MCF2L2: variants seen among roughly 807,000 people sequenced by gnomAD.
MCF2L2 encodes the protein probable guanine nucleotide exchange factor MCF2L2.
A neutral mutation model predicts 150.2 loss-of-function variants in MCF2L2; 102 were observed. The ratio of observed to expected loss-of-function variants is 0.68; its 90% CI spans 0.58 to 0.80. MCF2L2 has a LOEUF of 0.80. MCF2L2 is among the 30% of genes least tolerant of loss of function. The probability of loss-of-function intolerance (pLI) is 0.00; values close to 1 mark genes in which losing one functional copy is unlikely to be tolerated. For synonymous variants in MCF2L2, 465 were observed against 491.3 expected, an observed-to-expected ratio of 0.95 and a Z score of 0.71; for missense variants, 1,256 against 1,372.8, an observed-to-expected ratio of 0.91 and a Z score of 1.34.
At chr3:183,384,742 T>G (rs2108593258) in intron 2 of MCF2L2, among the ~76,000 whole-genome samples, 1 of 152,342 alleles carries the variant, frequency 6.6e-6, no homozygotes, top group East Asian at 1.9e-4. Flanking sequence ...CATGAATTAC[T>G]CTTTCTCTAT....
intron 3 of MCF2L2, among the ~76,000 whole-genome samples, chr3:183,344,749 A>C (rs1259259355): frequency 6.6e-6 from 1 of 152,232 alleles, no homozygotes; most frequent in African/African-American, 2.4e-5. Context: ...ACACAAATGG[A>C]AAGAAAAAAA....
intron 15 of MCF2L2, among the ~76,000 whole-genome samples, chr3:183,240,535 T>C (rs1406988060): frequency 6.6e-6 from 1 of 152,134 alleles, no homozygotes; most frequent in East Asian, 1.9e-4. Context: ...GCTCCATTTT[T>C]ATCCTGTCTT....
chr3:183,294,296 G>A (rs55725509), intron 13 of MCF2L2, among the ~76,000 whole-genome samples: 13,560 of 152,154 alleles, frequency 0.089, 798 homozygotes, highest in Non-Finnish European at 0.13. Context: ...TAAAGGTCCT[G>A]AATGGGGTCT....
intron 5 of MCF2L2, among the ~76,000 whole-genome samples, chr3:183,338,586 G>A (rs1730581841): frequency 6.6e-6 from 1 of 151,958 alleles, no homozygotes; most frequent in East Asian, 1.9e-4. Flanking sequence ...AAAGATTACT[G>A]TTTACGTGCT....
chr3:183,179,328 C>A lies in MCF2L2; in HGVS notation c.*52G>T. The A allele has an allele frequency of 7.2e-7, 1 of 1,389,502 alleles. No homozygotes were observed. The highest frequency in any genetic ancestry group is 1.6e-5 in the South Asian group (1 of 61,826). The allele number at this position is 1,389,502 out of a possible 1,614,324, so 86.1% of individuals were successfully genotyped here. ...GGGCCCGGGCCCCCACACCGCCTCTCCCGGGAATGCGGGCGCTCTGGAGCC... is the reference window on the plus strand; with the variant it reads ...GGGCCCGGGCCCCCACACCGCCTCTACCGGGAATGCGGGCGCTCTGGAGCC... On this transcript the variant is annotated 3_prime_UTR_variant, in exon 30 of 30. Transcript: ENST00000328913. This position sits in a 1 kb window ranked among gnomAD's most constrained non-coding sequence, Gnocchi z 4.2.
intron 1 of MCF2L2, among the ~76,000 whole-genome samples, chr3:183,396,402 A>G (rs1389673381): frequency 6.6e-6 from 1 of 152,188 alleles, no homozygotes; most frequent in African/African-American, 2.4e-5. Context: ...TTCTTTGGTA[A>G]TGACATAGCC....
chr3:183,412,893 A>C (rs953510361), intron 1 of MCF2L2, among the ~76,000 whole-genome samples: 2 of 151,958 alleles, frequency 1.3e-5, no homozygotes, highest in Admixed American at 1.3e-4. Context: ...GGTTGAGGAA[A>C]CTTCCTTCTA....
intron 3 of MCF2L2, among the ~76,000 whole-genome samples, chr3:183,361,102 C>G (rs199546966): frequency 5.1e-5 from 5 of 97,422 alleles, no homozygotes; most frequent in East Asian, 3.6e-4. Flanking sequence ...CAAGACAAGA[C>G]AAGAAAAGAA....
rs560533356 is a variant in MCF2L2 at position 183,197,903 on chromosome 3, A to T, written c.2885-2648T>A. ...GACATACCACTATGCCCCTATTAGA[A>T]ATCTGAAAATTTAAAAGACTGACAA... On this transcript the variant is annotated intron_variant, in intron 25 of 29. Transcript: ENST00000328913. The surrounding 1 kb of genome is among the most constrained non-coding windows in gnomAD (Gnocchi z 4.5). 6.6e-6 allele frequency among the ~76,000 whole-genome samples: 1 copy of T among 152,218 alleles called. No homozygotes were observed. The highest frequency in any genetic ancestry group is 1.5e-5 in the Non-Finnish European group (1 of 68,036).
intron 27 of MCF2L2, among the ~76,000 whole-genome samples, chr3:183,183,772 G>A (rs1478631549): frequency 6.6e-6 from 1 of 151,910 alleles, no homozygotes; most frequent in African/African-American, 2.4e-5. Context: ...CTAAAGAGAG[G>A]GTCTCAAAAC....
intron 23 of MCF2L2, 121 bp downstream of exon 23, chr3:183,207,487 T>C: frequency 1.4e-6 from 1 of 722,896 alleles, no homozygotes; most frequent in Non-Finnish European, 2.3e-6. Flanking sequence ...CCCTGTGGTG[T>C]GGTATTTGGC....
At chr3:183,292,590 TGCACACACACAC>T (rs1344110920) in intron 13 of MCF2L2, among the ~76,000 whole-genome samples, 1 of 140,426 alleles carries the variant, frequency 7.1e-6, no homozygotes, top group African/African-American at 2.9e-5. Flanking sequence ...CACACACACA[TGCACACACACAC>T]GTATGTATTT....
rs369558739 is a variant in MCF2L2, at chr3:183,414,675, C to G, written c.76+13227G>C. Among the ~76,000 whole-genome samples, 7 of 152,264 alleles carry G rather than the reference C, an allele frequency of 4.6e-5. No homozygotes were observed. The East Asian group carries it at 9.6e-4, about 21-fold the overall frequency. On this transcript the variant is annotated intron_variant, in intron 1 of 29. Coordinates refer to ENST00000328913, the MANE Select transcript of MCF2L2 (RefSeq NM_015078.4). ...TATTGATTTGAGATCTTTCTTCTTT[C>G]TTAATGTAAGCATTTGCAGCTATAA...
At chr3:183,326,934 AT>A (rs1730068329) in intron 5 of MCF2L2, among the ~76,000 whole-genome samples, 1 of 152,204 alleles carries the variant, frequency 6.6e-6, no homozygotes, top group Non-Finnish European at 1.5e-5. Context: ...ATTTAAACAA[AT>A]GGTGCTGAAA....
At chr3:183,206,969 G>GGGGA (rs1722511518) in intron 23 of MCF2L2, among the ~76,000 whole-genome samples, 3 of 11,868 alleles carry the variant, frequency 2.5e-4, no homozygotes, top group Non-Finnish European at 6.5e-4. Flanking sequence ...AAGGAAGGAA[G>GGGGA]GAAGGGAGGG....
intron 3 of MCF2L2, among the ~76,000 whole-genome samples, chr3:183,367,762 G>A (rs1712625837): frequency 6.6e-6 from 1 of 152,164 alleles, no homozygotes; most frequent in South Asian, 2.1e-4. Context: ...TCACCAGTAT[G>A]TGATCTAAAA....
chr3:183,371,409 C>T (rs1050981885), intron 3 of MCF2L2, among the ~76,000 whole-genome samples: 11 of 150,998 alleles, frequency 7.3e-5, no homozygotes, highest in Non-Finnish European at 1.3e-4. Flanking sequence ...GGGGGGTTTC[C>T]AGTTCATAGG....
intron 3 of MCF2L2, among the ~76,000 whole-genome samples, chr3:183,349,138 A>G (rs1452989333): frequency 6.6e-6 from 1 of 152,236 alleles, no homozygotes; most frequent in African/African-American, 2.4e-5. Flanking sequence ...TCTGATCACC[A>G]TGGAATTAAA....
chr3:183,341,443 A>G, intron 4 of MCF2L2, 97 bp downstream of exon 4: 4 of 978,188 alleles, frequency 4.1e-6, no homozygotes, highest in South Asian at 2.9e-5. Flanking sequence ...AAAATTTGAC[A>G]TAAAATAATT....
Sources: allele counts gnomAD v4.1 joint callset (sites outside exome capture counted in the v4.1 genomes callset), GRCh38; gene constraint gnomAD v4.1.1; non-coding constraint Gnocchi (gnomAD v3.1); transcripts MANE v1.5; gene names NCBI Gene and HGNC (gene_info 2026-07-23, HGNC 2026-07-21).